The following IGSF9 variants were observed in gnomAD, a reference collection of about 807,000 sequenced individuals.
IGSF9 encodes the protein immunoglobulin superfamily member 9.
IGSF9 carries 87 observed loss-of-function variants against 121.7 expected under a neutral mutation model. The ratio of observed to expected loss-of-function variants is 0.71; its 90% confidence interval spans 0.60 to 0.85. IGSF9 has a LOEUF of 0.85. Among genes scored for constraint, IGSF9 ranks in the 40% least tolerant of loss-of-function variants. IGSF9 has a pLI of 0.00. For synonymous variants in IGSF9, 640 were observed against 648.4 expected, an observed-to-expected ratio of 0.99 and a Z score of 0.20; for missense variants, 1,462 against 1,565.3, an observed-to-expected ratio of 0.93 and a Z score of 1.11.
intron 9 of IGSF9, chr1:159,933,289 T>G (rs763814196): frequency 1.4e-4 from 21 of 152,504 alleles, no homozygotes; most frequent in Admixed American, 4.6e-4. Flanking sequence ...GCTCTGATCC[T>G]ATCACACCAA....
At position 159,929,031 on chromosome 1, in the gene IGSF9, A is replaced by T; in HGVS notation, c.2370-13T>A. 1 of 1,513,040 alleles carries T rather than the reference A, an allele frequency of 6.6e-7. No homozygotes were observed. The highest frequency in any genetic ancestry group is 1.4e-5 in the African/African-American group (1 of 71,744). The allele number at this position is 1,513,040 out of a possible 1,614,324, so 93.7% of individuals were successfully genotyped here. ...GCCCAGAGCAGAGCTGGGGAAGGAC[A>T]GGAGATCAGGGTCTGTGGTAGGGGC... On this transcript the variant is annotated splice_polypyrimidine_tract_variant and intron_variant, in intron 18 of 20. Transcript: ENST00000368094.
chr1:159,937,806 G>T lies in IGSF9; in HGVS notation c.280C>A (p.Gln94Lys). Reference protein sequence around the residue: ...RVRLQKGASLQIEGLRVEDQG... With the variant: ...RVRLQKGASLKIEGLRVEDQG... ...TCTTCCACCCGGAGACCCTCAATCT[G>T]GAGAGAGGCCCCCTTCTGCAGCCGG... The change falls in exon 4 of 21, where the codon CAG (glutamine) becomes AAG (lysine). Residue 94 changes from glutamine to lysine, a missense_variant. Around this residue, in one of 3 missense-constraint regions of IGSF9, gnomAD observed 558 missense variants for 599.4 expected, o/e 0.93. Coordinates refer to ENST00000368094, the MANE Select transcript of IGSF9 (RefSeq NM_001135050.2). The T allele has an allele frequency of 6.2e-7, 1 of 1,614,058 alleles. No homozygotes were observed. Among genetic ancestry groups the T allele is most frequent in the South Asian group, 1.1e-5 (1 of 91,086 alleles).
intron 3 of IGSF9, 52 bp downstream of exon 3, chr1:159,942,911 C>A: frequency 6.5e-7 from 1 of 1,529,942 alleles, no homozygotes; most frequent in South Asian, 1.1e-5. Flanking sequence ...CTCTACCCAG[C>A]CCACCTTTCT....
In IGSF9 at chr1:159,928,209, C is replaced by G. The variant is rs1459618981; in HGVS notation, c.3179G>C (p.Ser1060Thr). Residue 1060 changes from serine to threonine, a missense_variant, in exon 19 of 21, where the codon AGT becomes ACT. By Grantham distance (58) the Ser-to-Thr change is moderately conservative. Coordinates refer to ENST00000368094, the MANE Select transcript of IGSF9 (RefSeq NM_001135050.2). Reference sequence around the variant, plus strand: ...CCTTCGGGGCCATCTCTCAGGGCCACTGGCCCAGCTGCTGGTGTCTCCTGG... The same window carrying G: ...CCTTCGGGGCCATCTCTCAGGGCCAGTGGCCCAGCTGCTGGTGTCTCCTGG... ...PAPGDTSSWA[S>T]GPERWPRREH... 1 of 1,612,586 alleles carries G rather than the reference C, an allele frequency of 6.2e-7. No individual in the cohort carries two copies. The highest frequency in any genetic ancestry group is 2.2e-5 in the East Asian group (1 of 44,876).
intron 3 of IGSF9, among the ~76,000 whole-genome samples, chr1:159,938,582 G>A (rs1651277706): frequency 6.6e-6 from 1 of 152,194 alleles, no homozygotes; most frequent in South Asian, 2.1e-4. Flanking sequence ...CAAGCCCTCA[G>A]CACCCTCCCT....
intron 2 of IGSF9, 68 bp from the exon 3 acceptor site, chr1:159,943,219 A>T (rs1651463088): frequency 7.1e-7 from 1 of 1,413,202 alleles, no homozygotes; most frequent in African/African-American, 1.4e-5. Flanking sequence ...GAGTGCCATC[A>T]GTATCTCTGT....
intron 9 of IGSF9, 151 bp downstream of exon 9, chr1:159,934,039 C>G (rs990358597): frequency 9.6e-6 from 9 of 934,376 alleles, no homozygotes; most frequent in Admixed American, 2.7e-5. Flanking sequence ...AAGTAGTTTC[C>G]TATGCAACAT....
At chr1:159,930,021 C>T (rs1381380264) in intron 15 of IGSF9, 46 bp from the exon 16 acceptor site, 6 of 1,582,362 alleles carry the variant, frequency 3.8e-6, no homozygotes, top group East Asian at 2.3e-5. Context: ...GGCCCAGCAC[C>T]GCCCAACCCA....
Position 159,930,181 on chromosome 1 carries a change from G to A in IGSF9, c.2064+8C>T, listed in dbSNP as rs1180119903. On this transcript the variant is annotated splice_region_variant and intron_variant, in intron 15 of 20. Coordinates refer to ENST00000368094, the MANE Select transcript of IGSF9 (RefSeq NM_001135050.2). The stretch of plus-strand genomic sequence containing the variant: ...GAGGCCTCTCTCTGTATCGCCTTTC[G>A]CACATACCTTGATGAGGCCTGGCAC... 3.1e-6 allele frequency: 5 copies of A among 1,598,668 alleles called. No individual in the cohort carries two copies. Among genetic ancestry groups the A allele is most frequent in the Admixed American group, 1.7e-5 (1 of 58,546 alleles).
At chr1:159,933,722 C>A (rs1557933770) in intron 9 of IGSF9, 1 of 195,942 alleles carries the variant, frequency 5.1e-6, no homozygotes, top group Non-Finnish European at 1.1e-5. Context: ...CTCAACCACC[C>A]TAAGAGGAAG....
In IGSF9 at chr1:159,934,481, A is replaced by G; in HGVS notation, c.905T>C (p.Val302Ala). The G allele has an allele frequency of 6.2e-7, 1 of 1,609,218 alleles. No homozygotes were observed. Among genetic ancestry groups the G allele is most frequent in the African/African-American group, 1.3e-5 (1 of 74,890 alleles). ...TGGATGCAGGAGGCCATTGCTGGGC[A>G]CACAGGTGTAGCAGCCGGCATCATC... is the stretch of plus-strand genomic sequence containing the variant. ...QPDDAGCYTC[V>A]PSNGLLHPPS... Residue 302 changes from valine (V) to alanine (A), a missense_variant, in exon 8 of 21, where the codon GTG becomes GCG. By Grantham distance (64) the Val-to-Ala change is moderately conservative. Around this residue, in one of 3 missense-constraint regions of IGSF9, gnomAD observed 558 missense variants for 599.4 expected, o/e 0.93. Transcript: ENST00000368094.
chr1:159,929,253 C>G, intron 18 of IGSF9, 98 bp downstream of exon 18: 1 of 1,474,834 alleles, frequency 6.8e-7, no homozygotes, highest in African/African-American at 1.4e-5. Flanking sequence ...CTCCCCAACA[C>G]CCAACATCCC....
chr1:159,938,699 G>A (rs913532475), intron 3 of IGSF9, among the ~76,000 whole-genome samples: 5 of 152,182 alleles, frequency 3.3e-5, no homozygotes, highest in African/African-American at 7.2e-5. Flanking sequence ...AGTCCAGCTC[G>A]ACTGTGTACT....
At position 159,931,637 on chromosome 1, in the gene IGSF9, G is replaced by A. The variant is rs374942899; in HGVS notation, c.1363-34C>T. The A allele has an allele frequency of 2.5e-6, 4 of 1,602,182 alleles. No homozygotes were observed. The highest frequency in any genetic ancestry group is 1.7e-5 in the Admixed American group (1 of 59,662). Reference sequence around the variant, plus strand: ...CCACTGGTGAGCCCTGAGGACACACGCAGCCACCCCTCACCAAAGGCGCCC... The same window carrying A: ...CCACTGGTGAGCCCTGAGGACACACACAGCCACCCCTCACCAAAGGCGCCC... On this transcript the variant is annotated intron_variant, in intron 11 of 20. Coordinates refer to ENST00000368094, the MANE Select transcript of IGSF9 (RefSeq NM_001135050.2). This position sits in a 1 kb window ranked among gnomAD's most constrained non-coding sequence, Gnocchi z 4.8.
chr1:159,932,288 T>C lies in IGSF9; in HGVS notation c.1245+224A>G. 1 of 593,868 alleles carries C rather than the reference T, an allele frequency of 1.7e-6. No homozygotes were observed. The highest frequency in any genetic ancestry group is 3.0e-6 in the Non-Finnish European group (1 of 334,382). The allele number at this position is 593,868 out of a possible 1,614,324, so 36.8% of individuals were successfully genotyped here. On this transcript the variant is annotated intron_variant, in intron 10 of 20. Coordinates refer to ENST00000368094, the MANE Select transcript of IGSF9 (RefSeq NM_001135050.2). This position sits in a 1 kb window ranked among gnomAD's most constrained non-coding sequence, Gnocchi z 4.1. ...GAGAGTTGGGGCAAACAGGATATCT[T>C]ACTTCTGGATGTGTGTGACTGATGT...
Position 159,929,759 on chromosome 1 carries a change from C to T in IGSF9, c.2205G>A (p.Val735=), listed in dbSNP as rs1449974055. 2 of 1,605,810 alleles carry T rather than the reference C, an allele frequency of 1.2e-6. No individual in the cohort carries two copies. The highest frequency in any genetic ancestry group is 1.7e-6 in the Non-Finnish European group (2 of 1,176,722). Reference sequence around the variant, plus strand: ...AGACTCCGCCCACCACGCCGGCCAGCACGGGCTGAGGCAGGAGGCCCGGCA... The same window carrying T: ...AGACTCCGCCCACCACGCCGGCCAGTACGGGCTGAGGCAGGAGGCCCGGCA... The part of the protein sequence containing the change: ...TQLPGLLPQP[V]LAGVVGGVCF... Residue 735 remains valine (V), a synonymous_variant, in exon 17 of 21, where the codon GTG becomes GTA. Coordinates refer to ENST00000368094, the MANE Select transcript of IGSF9 (RefSeq NM_001135050.2).
Position 159,934,545 on chromosome 1 carries a change from G to A in IGSF9, c.841C>T (p.Leu281=). 6.2e-7 allele frequency: 1 copy of A among 1,613,930 alleles called. No individual in the cohort carries two copies. The highest frequency in any genetic ancestry group is 8.5e-7 in the Non-Finnish European group (1 of 1,179,896). ...AGCAGCCGCAGGCTCCCGTCCACCA[G>A]GATCCGCACCCGGGGCTGCAGGCGG... ...ISRLQPRVRI[L]VDGSLRLLAT... Residue 281 remains leucine, a synonymous_variant, in exon 8 of 21, where the codon CTG becomes TTG. Coordinates refer to ENST00000368094, the MANE Select transcript of IGSF9 (RefSeq NM_001135050.2).
At chr1:159,937,635 C>T in intron 4 of IGSF9, 51 bp downstream of exon 4, 1 of 1,587,024 alleles carries the variant, frequency 6.3e-7, no homozygotes, top group Non-Finnish European at 8.6e-7. Context: ...CCAGAGATCC[C>T]CATCCTCCTC....
In IGSF9 at chr1:159,927,888, CTG is replaced by C. The variant is rs1403444541; in HGVS notation, c.3231-3_3231-2del. The C allele has an allele frequency of 2.0e-6, 3 of 1,467,908 alleles. No individual in the cohort carries two copies. The highest frequency in any genetic ancestry group is 2.6e-5 in the African/African-American group (1 of 38,542). 90.9% of individuals were successfully genotyped at this position (1,467,908 alleles called of 1,614,324 possible). On this transcript the variant is annotated splice_acceptor_variant and splice_polypyrimidine_tract_variant and intron_variant, in intron 19 of 20. Coordinates refer to ENST00000368094, the MANE Select transcript of IGSF9 (RefSeq NM_001135050.2). LOFTEE classifies it high-confidence loss of function. ...GTTCTCGTCCACAGATGTGTTCCTC[CTG>C]TAAAAAAAAAAAAAAAGACAAACAT...
Sources: allele counts gnomAD v4.1 joint callset (sites outside exome capture counted in the v4.1 genomes callset), GRCh38; gene constraint gnomAD v4.1.1; regional missense constraint gnomAD v4.1.1; non-coding constraint Gnocchi (gnomAD v3.1); transcripts MANE v1.5; gene names NCBI Gene and HGNC (gene_info 2026-07-23, HGNC 2026-07-21).